ELP4: variants seen among roughly 807,000 people sequenced by gnomAD.
The protein encoded by ELP4 is elongator complex protein 4.
ELP4 carries 51 observed loss-of-function variants against 48.9 expected under a neutral mutation model. The observed-to-expected ratio is 1.04, with a 90% CI of 0.83 to 1.32. The LOEUF (loss-of-function observed/expected upper bound fraction) is 1.32, where lower values mean the gene tolerates loss of function less well. Among genes scored for constraint, ELP4 ranks in the 40% most tolerant of loss-of-function variants. The pLI, the probability that ELP4 is intolerant of heterozygous loss-of-function variation, is 0.00. For synonymous variants in ELP4, 210 were observed against 189.2 expected (o/e 1.11, Z -0.90); for missense variants, 519 against 514.6 (o/e 1.01, Z -0.08).
chr11:31,587,553 G>A (rs942872531), intron 3 of ELP4, among the ~76,000 whole-genome samples: 1 of 152,132 alleles, frequency 6.6e-6, no homozygotes, highest in Non-Finnish European at 1.5e-5. Context: ...AACATGTTGA[G>A]AAATAATCTC....
chr11:31,692,804 A>C (rs754976538), intron 9 of ELP4, among the ~76,000 whole-genome samples: 2 of 152,136 alleles, frequency 1.3e-5, no homozygotes, highest in African/African-American at 4.8e-5. Flanking sequence ...TAACTTCTGC[A>C]TATCCTTCAG....
intron 9 of ELP4, among the ~76,000 whole-genome samples, chr11:31,740,458 A>G (rs1947419335): frequency 6.6e-6 from 1 of 152,276 alleles, no homozygotes; most frequent in Admixed American, 6.5e-5. Flanking sequence ...GTACAACTAC[A>G]TAAGTTGATT....
At chr11:31,657,360 G>A (rs1168317109) in intron 9 of ELP4, among the ~76,000 whole-genome samples, 2 of 151,950 alleles carry the variant, frequency 1.3e-5, no homozygotes, top group Non-Finnish European at 1.5e-5. Context: ...TCACCCTCAT[G>A]TACTGTTCGA....
intron 1 of ELP4, among the ~76,000 whole-genome samples, chr11:31,518,450 A>T (rs1956157595): frequency 6.6e-6 from 1 of 150,828 alleles, no homozygotes; most frequent in Non-Finnish European, 1.5e-5. Flanking sequence ...CACCATTTGA[A>T]TTATATATTT....
intron 3 of ELP4, among the ~76,000 whole-genome samples, chr11:31,591,422 AGGGGG>A (rs35637930): frequency 4.3e-4 from 33 of 76,564 alleles, no homozygotes; most frequent in Admixed American, 1.1e-3. Context: ...AAAAAAAAAA[AGGGGG>A]GGGGGGGGTA....
intron 9 of ELP4, among the ~76,000 whole-genome samples, chr11:31,774,936 CGA>C (rs1187713184): frequency 6.6e-6 from 1 of 152,114 alleles, no homozygotes; most frequent in Non-Finnish European, 1.5e-5. Flanking sequence ...CAGATGGTGT[CGA>C]GAGAGCCTGT....
At chr11:31,711,180 C>G (rs570580195) in intron 9 of ELP4, among the ~76,000 whole-genome samples, 3 of 152,126 alleles carry the variant, frequency 2.0e-5, no homozygotes, top group South Asian at 2.1e-4. Context: ...TTTAGAGATT[C>G]TTTATGAAAA....
intron 1 of ELP4, among the ~76,000 whole-genome samples, chr11:31,518,068 A>G (rs1189526407): frequency 3.3e-5 from 5 of 152,004 alleles, no homozygotes; most frequent in East Asian, 1.9e-4. Context: ...TAAGTACTCA[A>G]ATGTCTTAGT....
intron 2 of ELP4, among the ~76,000 whole-genome samples, chr11:31,538,679 A>T (rs985831239): frequency 9.2e-5 from 14 of 151,592 alleles, no homozygotes; most frequent in Admixed American, 5.3e-4. Flanking sequence ...AAATTATATT[A>T]ATTATATCTA....
At chr11:31,755,914 T>C (rs1285990038) in intron 9 of ELP4, among the ~76,000 whole-genome samples, 1 of 152,192 alleles carries the variant, frequency 6.6e-6, no homozygotes, top group Non-Finnish European at 1.5e-5. Context: ...TAACACCTGG[T>C]TCCTTGTGGA....
intron 9 of ELP4, chr11:31,719,364 G>C: frequency 2.5e-6 from 1 of 393,926 alleles, no homozygotes; most frequent in East Asian, 3.6e-5. Flanking sequence ...CAGAGTTTTT[G>C]TGGAATGGTT....
At chr11:31,732,076 T>G (rs1465330036) in intron 9 of ELP4, among the ~76,000 whole-genome samples, 2 of 152,000 alleles carry the variant, frequency 1.3e-5, no homozygotes, top group African/African-American at 4.8e-5. Context: ...CAAGTTGAAA[T>G]GAAAAGACAC....
At chr11:31,663,456 T>C (rs1346331759) in intron 9 of ELP4, 3 of 152,002 alleles carry the variant, frequency 2.0e-5, no homozygotes, top group South Asian at 2.1e-4. Context: ...ACTTAAGATT[T>C]TTTTACTATA....
At chr11:31,626,589 G>A (rs1944748865) in intron 5 of ELP4, among the ~76,000 whole-genome samples, 1 of 151,776 alleles carries the variant, frequency 6.6e-6, no homozygotes, top group Non-Finnish European at 1.5e-5. Flanking sequence ...CAAGGGAAGT[G>A]AAAATCATAC....
At chr11:31,623,534 ATG>A (rs1291560273) in intron 5 of ELP4, among the ~76,000 whole-genome samples, 2 of 149,924 alleles carry the variant, frequency 1.3e-5, no homozygotes, top group Admixed American at 1.3e-4. Context: ...TAATACCTAA[ATG>A]TATTGATTTA....
At chr11:31,549,639 A>G (rs1956804217) in intron 3 of ELP4, among the ~76,000 whole-genome samples, 2 of 152,152 alleles carry the variant, frequency 1.3e-5, no homozygotes, top group African/African-American at 2.4e-5. Flanking sequence ...ATTACTGGGT[A>G]TATACCCAAA....
rs1027151445 is a variant in ELP4, at chr11:31,753,393, C to G, written c.1144-30000C>G. ...CTACCTCCTCAGGGCCTTGATATTG[C>G]TATTCCCTCTGCCTAGGACAATGCA... On this transcript the variant is annotated intron_variant, in intron 9 of 9. Coordinates refer to ENST00000640961, the MANE Select transcript of ELP4 (RefSeq NM_019040.5). Among the ~76,000 whole-genome samples, 3 of 152,318 alleles carry G rather than the reference C, an allele frequency of 2.0e-5. No homozygotes were observed. In the East Asian group the frequency reaches 5.8e-4, roughly 29 times the overall value.
intron 9 of ELP4, chr11:31,714,968 C>T (rs1946813049): frequency 2.5e-6 from 1 of 396,010 alleles, no homozygotes; most frequent in East Asian, 3.6e-5. Flanking sequence ...TAACACATTA[C>T]AGGTTCCAAA....
At chr11:31,544,944 T>A (rs192843804) in intron 3 of ELP4, among the ~76,000 whole-genome samples, 302 of 152,292 alleles carry the variant, frequency 2.0e-3, no homozygotes, top group African/African-American at 6.9e-3. Context: ...CTGAGGGTCC[T>A]GTCTGTTAGA....
Sources: allele counts gnomAD v4.1 joint callset (sites outside exome capture counted in the v4.1 genomes callset), GRCh38; gene constraint gnomAD v4.1.1; transcripts MANE v1.5; gene names NCBI Gene and HGNC (gene_info 2026-07-23, HGNC 2026-07-21).